PIK3R3: variants seen among roughly 807,000 people sequenced by gnomAD.
PIK3R3 encodes phosphatidylinositol 3-kinase regulatory subunit gamma.
In PIK3R3, 64 loss-of-function variants were observed where a neutral mutation model predicts 62.9. The ratio of observed to expected loss-of-function variants is 1.02; its 90% CI spans 0.83 to 1.25. The LOEUF is 1.25. PIK3R3 is among the 50% of genes most tolerant of loss of function. The probability of loss-of-function intolerance (pLI) is 0.00; values close to 1 mark genes in which losing one functional copy is unlikely to be tolerated. For synonymous variants in PIK3R3, 165 were observed against 189.0 expected (o/e 0.87, Z 1.04); for missense variants, 614 against 561.6 (o/e 1.09, Z -0.94).
chr1:46,155,812 C>A, the PIK3R3 span, among the ~76,000 whole-genome samples: 1 of 151,948 alleles, frequency 6.6e-6, no homozygotes, highest in Non-Finnish European at 1.5e-5. Flanking sequence ...CATTTTTTAA[C>A]GATTGGGAAA....
chr1:46,163,329 G>T, the PIK3R3 span, among the ~76,000 whole-genome samples: 1 of 152,132 alleles, frequency 6.6e-6, no homozygotes, highest in Non-Finnish European at 1.5e-5. Flanking sequence ...ATAGACAACT[G>T]GGTTTCCAGC....
At chr1:46,109,462 C>T (rs1007453301) in intron 1 of PIK3R3, among the ~76,000 whole-genome samples, 1 of 152,016 alleles carries the variant, frequency 6.6e-6, no homozygotes, top group Non-Finnish European at 1.5e-5. Context: ...ACCCGGCTTA[C>T]CAGAGACCAA....
chr1:46,119,293 C>G (rs1435903262), intron 1 of PIK3R3, among the ~76,000 whole-genome samples: 2 of 151,928 alleles, frequency 1.3e-5, no homozygotes, highest in Non-Finnish European at 2.9e-5. Flanking sequence ...AACACACAAA[C>G]AAAAAAAATT....
chr1:46,127,839 A>G (rs1396939989), intron 1 of PIK3R3, among the ~76,000 whole-genome samples: 2 of 152,212 alleles, frequency 1.3e-5, no homozygotes, highest in Non-Finnish European at 2.9e-5. Context: ...CTGGGATTAC[A>G]GGCATTAGCC....
At chr1:46,138,341 T>TC in the PIK3R3 span, among the ~76,000 whole-genome samples, 2 of 152,216 alleles carry the variant, frequency 1.3e-5, no homozygotes, top group African/African-American at 4.8e-5. Flanking sequence ...TCAGTCCAGT[T>TC]CCCTTATTGG....
the PIK3R3 span, among the ~76,000 whole-genome samples, chr1:46,172,615 A>G: frequency 6.6e-6 from 1 of 152,174 alleles, no homozygotes; most frequent in African/African-American, 2.4e-5. Context: ...GATTGTGCCC[A>G]GGAGACTGAG....
chr1:46,125,656 C>G (rs1034172255), intron 1 of PIK3R3, among the ~76,000 whole-genome samples: 37 of 152,288 alleles, frequency 2.4e-4, no homozygotes, highest in African/African-American at 8.9e-4. Flanking sequence ...TTCGAAACCA[C>G]CTTTGTGTCT....
intron 7 of PIK3R3, among the ~76,000 whole-genome samples, chr1:46,051,470 AG>A (rs1468855513): frequency 6.6e-6 from 1 of 152,082 alleles, no homozygotes; most frequent in Admixed American, 6.5e-5. Flanking sequence ...CATGTTGGCC[AG>A]GCTGGTCTCG....
intron 1 of PIK3R3, among the ~76,000 whole-genome samples, chr1:46,081,433 T>A (rs1650581260): frequency 6.6e-6 from 1 of 152,130 alleles, no homozygotes; most frequent in African/African-American, 2.4e-5. Flanking sequence ...AGTGGGCAAG[T>A]GAACATTACT....
intron 1 of PIK3R3, among the ~76,000 whole-genome samples, chr1:46,081,708 AC>A (rs1169201643): frequency 6.6e-6 from 1 of 152,164 alleles, no homozygotes; most frequent in African/African-American, 2.4e-5. Context: ...GAGCACCTAG[AC>A]CTTGCTTTCT....
chr1:46,148,162 G>A, the PIK3R3 span, among the ~76,000 whole-genome samples: 1 of 152,330 alleles, frequency 6.6e-6, no homozygotes, highest in African/African-American at 2.4e-5. Context: ...CTGAGATCAA[G>A]CAAATTTACT....
intron 7 of PIK3R3, among the ~76,000 whole-genome samples, chr1:46,050,054 G>A (rs1377376380): frequency 6.6e-6 from 1 of 150,448 alleles, no homozygotes; most frequent in African/African-American, 2.5e-5. Context: ...CTGGGAGGCA[G>A]AGGTTGCAGT....
At chr1:46,075,601 G>C (rs964314524) in intron 3 of PIK3R3, among the ~76,000 whole-genome samples, 3 of 151,174 alleles carry the variant, frequency 2.0e-5, no homozygotes, top group African/African-American at 7.3e-5. Flanking sequence ...CAGCCTAGGA[G>C]ACAGAGCAAT....
intron 1 of PIK3R3, among the ~76,000 whole-genome samples, chr1:46,110,601 C>T (rs943837689): frequency 5.3e-5 from 8 of 152,036 alleles, no homozygotes; most frequent in African/African-American, 1.9e-4. Context: ...GTTGTTGAAC[C>T]CTATCTTTGT....
intron 1 of PIK3R3, among the ~76,000 whole-genome samples, chr1:46,101,088 T>C (rs1313562286): frequency 1.4e-5 from 2 of 145,206 alleles, no homozygotes; most frequent in East Asian, 4.0e-4. Context: ...ATGAGAATCG[T>C]CTGAACCCAG....
chr1:46,083,538 A>G (rs1436563802), intron 1 of PIK3R3, among the ~76,000 whole-genome samples: 1 of 152,236 alleles, frequency 6.6e-6, no homozygotes, highest in African/African-American at 2.4e-5. Context: ...ATCTATAAAT[A>G]TATTTTTGTA....
At chr1:46,071,071 ACT>A (rs919184099) in intron 3 of PIK3R3, among the ~76,000 whole-genome samples, 1 of 151,778 alleles carries the variant, frequency 6.6e-6, no homozygotes, top group African/African-American at 2.4e-5. Context: ...ACAAATTCAG[ACT>A]CTGTCCCCTT....
intron 6 of PIK3R3, 32 bp downstream of exon 6, chr1:46,061,891 GTCTCAC>G: frequency 6.3e-7 from 1 of 1,580,988 alleles, no homozygotes. Flanking sequence ...AAGAAATCCT[GTCTCAC>G]TGATGCCCTT....
chr1:46,126,055 T>C (rs1292745263), intron 1 of PIK3R3, among the ~76,000 whole-genome samples: 2 of 151,656 alleles, frequency 1.3e-5, no homozygotes, highest in East Asian at 3.9e-4. Context: ...CCACCGCGCT[T>C]TGCCGCAATC....
Sources: gnomAD v4.1 joint callset for allele counts (sites outside exome capture counted in the v4.1 genomes callset) on GRCh38, gnomAD v4.1.1 for gene constraint, MANE v1.5 for transcripts, NCBI Gene and HGNC (gene_info 2026-07-23, HGNC 2026-07-21) for gene names.